Variants in WASF2 observed in about 807,000 individuals in gnomAD.
WASF2 encodes WASP family member 2.
WASF2 carries 14 observed loss-of-function variants against 45.0 expected under a neutral mutation model. The ratio of observed to expected loss-of-function variants is 0.31; its 90% CI spans 0.21 to 0.49. The LOEUF is 0.49. WASF2 is among the 20% of genes least tolerant of loss of function. The pLI, the probability that WASF2 is intolerant of heterozygous loss-of-function variation, is 0.99. For synonymous variants in WASF2, 200 were observed against 236.3 expected (o/e 0.85, Z 1.41); for missense variants, 439 against 636.1 (o/e 0.69, Z 3.33).
chr1:27,447,198 T>A (rs2017322750), intron 1 of WASF2, among the ~76,000 whole-genome samples: 1 of 152,200 alleles, frequency 6.6e-6, no homozygotes. Context: ...AAATTATATT[T>A]ACATTAACAC....
At chr1:27,432,228 GGAGTC>G (rs2017074450) in intron 1 of WASF2, among the ~76,000 whole-genome samples, 1 of 152,094 alleles carries the variant, frequency 6.6e-6, no homozygotes. Flanking sequence ...TCGGCTTTAT[GGAGTC>G]GACACATTCT....
At chr1:27,467,773 G>A (rs1026051619) in intron 1 of WASF2, among the ~76,000 whole-genome samples, 13 of 151,612 alleles carry the variant, frequency 8.6e-5, no homozygotes, top group African/African-American at 1.7e-4. Context: ...CTAGCCAGGC[G>A]TGGTGGCACG....
intron 1 of WASF2, among the ~76,000 whole-genome samples, chr1:27,484,798 C>G (rs957221728): frequency 5.4e-5 from 6 of 111,616 alleles, no homozygotes; most frequent in Non-Finnish European, 1.1e-4. Context: ...GATGACAGAG[C>G]GAGACTCTGT....
chr1:27,410,351 G>A lies in WASF2; in HGVS notation c.825-145C>T, dbSNP rs567883115. ...TAAACAGAAAGAAAAGCCTACAGAT[G>A]GTCATAACAGACCAATAATGAAATA... On this transcript the variant is annotated intron_variant, in intron 7 of 8. Transcript: ENST00000618852. The surrounding 1 kb of genome is among the most constrained non-coding windows in gnomAD (Gnocchi z 4.2). 4.2e-6 allele frequency: 6 copies of A among 1,422,236 alleles called. No homozygotes were observed. The highest frequency in any genetic ancestry group is 3.7e-6 in the Non-Finnish European group (4 of 1,079,024). The allele number at this position is 1,422,236 out of a possible 1,614,324, so 88.1% of individuals were successfully genotyped here. A position where few individuals can be genotyped will look rare whatever the true frequency, so the allele number is the denominator to read the frequency against.
intron 1 of WASF2, among the ~76,000 whole-genome samples, chr1:27,429,429 T>C (rs2017031585): frequency 6.6e-6 from 1 of 152,216 alleles, no homozygotes; most frequent in African/African-American, 2.4e-5. Flanking sequence ...GTGATTGATA[T>C]ACATCAGGAT....
intron 1 of WASF2, among the ~76,000 whole-genome samples, chr1:27,434,607 C>T (rs544911066): frequency 1.8e-4 from 28 of 152,236 alleles, no homozygotes; most frequent in Admixed American, 1.6e-3. Context: ...CCAGACAGAG[C>T]CCTGAGGTTA....
intron 1 of WASF2, among the ~76,000 whole-genome samples, chr1:27,478,158 C>T (rs1056787879): frequency 1.3e-5 from 2 of 148,926 alleles, no homozygotes; most frequent in African/African-American, 5.0e-5. Context: ...TGCAGCGAGC[C>T]GAGATCCTGC....
Position 27,404,463 on chromosome 1 carries a change from G to A in WASF2, c.*3726C>T, listed in dbSNP as rs9634. 7.2e-5 allele frequency: 11 copies of A among 152,202 alleles called. No homozygotes were observed. The highest frequency in any genetic ancestry group is 2.7e-4 in the African/African-American group (11 of 41,494). 9.4% of individuals were successfully genotyped at this position (152,202 alleles called of 1,614,324 possible). Reference sequence around the variant, plus strand: ...CAGAAGAGGAAAGGGTCACTTTAGGGGTCTGGCTTAACCCACTGCCTAGAT... The same window carrying A: ...CAGAAGAGGAAAGGGTCACTTTAGGAGTCTGGCTTAACCCACTGCCTAGAT... On this transcript the variant is annotated 3_prime_UTR_variant, in exon 9 of 9. Coordinates refer to ENST00000618852, the MANE Select transcript of WASF2 (RefSeq NM_006990.5).
chr1:27,445,038 A>G (rs2017293629), intron 1 of WASF2, among the ~76,000 whole-genome samples: 1 of 152,188 alleles, frequency 6.6e-6, no homozygotes, highest in Non-Finnish European at 1.5e-5. Context: ...TGGTGTATAC[A>G]ACTCTTTGAG....
Position 27,407,628 on chromosome 1 carries a change from C to A in WASF2, c.*561G>T, listed in dbSNP as rs778759054. On this transcript the variant is annotated 3_prime_UTR_variant, in exon 9 of 9. Transcript: ENST00000618852. ...TGATGCCTCCTGGAATAAAGGGCAT[C>A]CCAGGCATAGAGATCGCTTAGCAAA... 3 of 152,462 alleles carry A rather than the reference C, an allele frequency of 2.0e-5. No individual in the cohort carries two copies. Among genetic ancestry groups the A allele is most frequent in the Non-Finnish European group, 4.4e-5 (3 of 68,158 alleles). 9.4% of individuals were successfully genotyped at this position (152,462 alleles called of 1,614,324 possible). A position where few individuals can be genotyped will look rare whatever the true frequency, so the allele number is the denominator to read the frequency against.
intron 1 of WASF2, among the ~76,000 whole-genome samples, chr1:27,432,888 C>T (rs2017085425): frequency 6.6e-6 from 1 of 152,080 alleles, no homozygotes; most frequent in Admixed American, 6.5e-5. Context: ...CTCAGCCTCA[C>T]AAGTAGCCAG....
chr1:27,415,941 A>G (rs1365954795), intron 5 of WASF2, 44 bp downstream of exon 5: 5 of 1,499,810 alleles, frequency 3.3e-6, no homozygotes, highest in Non-Finnish European at 4.6e-6. Flanking sequence ...CCCCTCCACA[A>G]TCGTGCCTAC....
chr1:27,467,844 G>A (rs946573156), intron 1 of WASF2, among the ~76,000 whole-genome samples: 6 of 151,782 alleles, frequency 4.0e-5, no homozygotes, highest in African/African-American at 7.2e-5. Flanking sequence ...CCCAGGAGGC[G>A]GAGGTTGCAG....
chr1:27,473,727 C>T (rs1451758848), intron 1 of WASF2, among the ~76,000 whole-genome samples: 3 of 152,150 alleles, frequency 2.0e-5, no homozygotes, highest in Non-Finnish European at 2.9e-5. Flanking sequence ...GACCAAAACA[C>T]TTCCAATATT....
chr1:27,432,710 C>A (rs1311342818), intron 1 of WASF2, among the ~76,000 whole-genome samples: 1 of 146,598 alleles, frequency 6.8e-6, no homozygotes, highest in East Asian at 2.0e-4. Context: ...CTAGGCAAAT[C>A]CTCCTGTAGA....
At chr1:27,428,547 A>C (rs1452815668) in intron 2 of WASF2, among the ~76,000 whole-genome samples, 1 of 152,000 alleles carries the variant, frequency 6.6e-6, no homozygotes, top group Non-Finnish European at 1.5e-5. Flanking sequence ...GGGAGGGAGG[A>C]GGGAACCTAG....
intron 1 of WASF2, among the ~76,000 whole-genome samples, chr1:27,430,618 A>AT (rs1220717657): frequency 6.6e-6 from 1 of 152,032 alleles, no homozygotes; most frequent in African/African-American, 2.4e-5. Context: ...TGCTGGGACT[A>AT]TAAGCATGAG....
intron 1 of WASF2, among the ~76,000 whole-genome samples, chr1:27,483,694 T>C (rs971493092): frequency 1.4e-4 from 21 of 151,830 alleles, no homozygotes; most frequent in Admixed American, 6.6e-5. Context: ...TTTATGCTTA[T>C]CCCTGTAATC....
Position 27,423,396 on chromosome 1 carries a change from G to C in WASF2, c.131-4308C>G, listed in dbSNP as rs80024430. Among the ~76,000 whole-genome samples, 5,336 of 152,220 alleles carry C rather than the reference G, an allele frequency of 0.035. 559 individuals are homozygous for C. In the East Asian group the frequency reaches 0.36, roughly 10 times the overall value. On this transcript the variant is annotated intron_variant, in intron 2 of 8. Coordinates refer to ENST00000618852, the MANE Select transcript of WASF2 (RefSeq NM_006990.5). ...AGAAGGGGTTTCACCATGTTGGCCA[G>C]GCTGGTCTCGAACTCCCAACCTCAA...
Sources: gnomAD v4.1 joint callset for allele counts (sites outside exome capture counted in the v4.1 genomes callset) on GRCh38, gnomAD v4.1.1 for gene constraint, Gnocchi (gnomAD v3.1) non-coding constraint, MANE v1.5 for transcripts, NCBI Gene and HGNC (gene_info 2026-07-23, HGNC 2026-07-21) for gene names.